The following AKAP7 variants were observed in gnomAD, a reference collection of about 807,000 sequenced individuals.
AKAP7 encodes A-kinase anchoring protein 7.
Under a neutral mutation model 39.5 loss-of-function variants are expected in AKAP7, and 39 were observed. The ratio of observed to expected loss-of-function variants is 0.99; its 90% CI spans 0.76 to 1.29. The LOEUF is 1.29. Ranked by LOEUF, AKAP7 falls within the 50% of genes most tolerant of loss-of-function variation. AKAP7 has a pLI of 0.00. For synonymous variants in AKAP7, 140 were observed against 139.1 expected, an observed-to-expected ratio of 1.01 and a Z score of -0.05; for missense variants, 414 against 407.7, an observed-to-expected ratio of 1.02 and a Z score of -0.13.
intron 7 of AKAP7, among the ~76,000 whole-genome samples, chr6:131,237,885 G>C (rs977669906): frequency 6.6e-6 from 1 of 151,910 alleles, no homozygotes; most frequent in African/African-American, 2.4e-5. Context: ...TTTTTGAAGG[G>C]TTTTTGTGTC....
chr6:131,176,346 G>A (rs1804579690), intron 5 of AKAP7, among the ~76,000 whole-genome samples: 1 of 151,814 alleles, frequency 6.6e-6, no homozygotes, highest in Non-Finnish European at 1.5e-5. Context: ...GTAGCTGATA[G>A]AATTAAGAAG....
chr6:131,218,398 C>T (rs539221098), intron 6 of AKAP7, among the ~76,000 whole-genome samples: 30 of 152,144 alleles, frequency 2.0e-4, no homozygotes, highest in Admixed American at 5.9e-4. Context: ...TCAAATAGTA[C>T]TCAGGGAACA....
chr6:131,281,518 T>C lies in AKAP7; in HGVS notation c.851-12T>C. On this transcript the variant is annotated splice_polypyrimidine_tract_variant and intron_variant, in intron 7 of 7. Coordinates refer to ENST00000431975, the MANE Select transcript of AKAP7 (RefSeq NM_016377.4). The surrounding 1 kb of genome is among the most constrained non-coding windows in gnomAD (Gnocchi z 4.0). ...GATCTCAGTGACCTCTCTTCTCTAT[T>C]GTGGAATGTAGGTGAAAAGAACGGA... 6.3e-7 allele frequency: 1 copy of C among 1,593,736 alleles called. No individual in the cohort carries two copies. Among genetic ancestry groups the C allele is most frequent in the Non-Finnish European group, 8.5e-7 (1 of 1,169,842 alleles).
At chr6:131,167,321 A>G (rs1163991342) in intron 4 of AKAP7, among the ~76,000 whole-genome samples, 2 of 152,190 alleles carry the variant, frequency 1.3e-5, no homozygotes, top group Non-Finnish European at 2.9e-5. Flanking sequence ...ATACTACTAG[A>G]GAACTGGAAA....
chr6:131,172,794 G>A (rs1283060139), intron 5 of AKAP7, among the ~76,000 whole-genome samples: 1 of 152,036 alleles, frequency 6.6e-6, no homozygotes, highest in Non-Finnish European at 1.5e-5. Context: ...AATTCTTTTG[G>A]CATTATTTGA....
At chr6:131,166,418 G>A (rs774873568) in intron 4 of AKAP7, among the ~76,000 whole-genome samples, 7 of 152,206 alleles carry the variant, frequency 4.6e-5, no homozygotes, top group Non-Finnish European at 5.9e-5. Flanking sequence ...CAATAGGAGC[G>A]TATCTATGTA....
intron 2 of AKAP7, among the ~76,000 whole-genome samples, chr6:131,148,766 G>A (rs879465644): frequency 9.9e-5 from 15 of 152,046 alleles, no homozygotes; most frequent in Admixed American, 5.9e-4. Context: ...CCCTTAAACC[G>A]TAAGAAAGGT....
intron 7 of AKAP7, among the ~76,000 whole-genome samples, chr6:131,236,257 G>T (rs1416020847): frequency 6.6e-6 from 1 of 152,072 alleles, no homozygotes. Context: ...CTGTTCCATT[G>T]GTCTATATCT....
chr6:131,171,575 G>A lies in AKAP7; in HGVS notation c.589+2302G>A, dbSNP rs1804051454. Among the ~76,000 whole-genome samples, 5 of 152,036 alleles carry A rather than the reference G, an allele frequency of 3.3e-5. No individual in the cohort carries two copies. The South Asian group carries it at 1.0e-3, about 32-fold the overall frequency. On this transcript the variant is annotated intron_variant, in intron 5 of 7. Coordinates refer to ENST00000431975, the MANE Select transcript of AKAP7 (RefSeq NM_016377.4). ...AAGGTAAAATAAGGGCATGAGGAGAGCGGTGAAAGTTTAGAATGGCGACCA... is the reference window on the plus strand; with the variant it reads ...AAGGTAAAATAAGGGCATGAGGAGAACGGTGAAAGTTTAGAATGGCGACCA...
At chr6:131,181,792 ATTC>A (rs1805275608) in intron 5 of AKAP7, among the ~76,000 whole-genome samples, 1 of 152,078 alleles carries the variant, frequency 6.6e-6, no homozygotes, top group Non-Finnish European at 1.5e-5. Flanking sequence ...AAACTTTTAC[ATTC>A]TTCACATGAT....
intron 6 of AKAP7, among the ~76,000 whole-genome samples, chr6:131,207,968 C>G (rs1808290254): frequency 1.3e-5 from 2 of 152,174 alleles, no homozygotes; most frequent in Non-Finnish European, 2.9e-5. Context: ...CTCCCGGTGT[C>G]AGATGGCTTA....
chr6:131,205,697 T>C (rs1047788410), intron 6 of AKAP7, among the ~76,000 whole-genome samples: 2 of 152,332 alleles, frequency 1.3e-5, no homozygotes, highest in African/African-American at 4.8e-5. Flanking sequence ...TTGGCAATTA[T>C]GTATCTTTCT....
chr6:131,273,938 T>C (rs1228987904), intron 7 of AKAP7, among the ~76,000 whole-genome samples: 1 of 151,116 alleles, frequency 6.6e-6, no homozygotes, highest in Non-Finnish European at 1.5e-5. Context: ...GTGTTGCCTT[T>C]TCTTTTTTTT....
chr6:131,252,884 A>T (rs143475802), intron 7 of AKAP7, among the ~76,000 whole-genome samples: 35 of 152,326 alleles, frequency 2.3e-4, no homozygotes, highest in Admixed American at 3.9e-4. Flanking sequence ...ATCTACTAAA[A>T]GCAGAGCACA....
At chr6:131,267,205 G>A (rs1343731548) in intron 7 of AKAP7, among the ~76,000 whole-genome samples, 2 of 152,036 alleles carry the variant, frequency 1.3e-5, no homozygotes, top group East Asian at 3.9e-4. Context: ...GATGCTCTTG[G>A]TCACTTTGTA....
chr6:131,245,074 T>TAACC (rs1471000678), intron 7 of AKAP7, among the ~76,000 whole-genome samples: 6 of 152,088 alleles, frequency 3.9e-5, no homozygotes, highest in Admixed American at 1.3e-4. Context: ...GAACAGGACT[T>TAACC]AACCAGTGAG....
chr6:131,234,769 G>A (rs1810902746), intron 7 of AKAP7, among the ~76,000 whole-genome samples: 1 of 148,804 alleles, frequency 6.7e-6, no homozygotes, highest in Admixed American at 6.7e-5. Flanking sequence ...GATACAACTA[G>A]TAATTTATTA....
intron 2 of AKAP7, among the ~76,000 whole-genome samples, chr6:131,148,407 G>C (rs1206781497): frequency 6.6e-6 from 1 of 151,956 alleles, no homozygotes; most frequent in Non-Finnish European, 1.5e-5. Context: ...GAAAACTTGT[G>C]TTTTACGTTT....
At chr6:131,130,871 T>C (rs1800311370), upstream of AKAP7, among the ~76,000 whole-genome samples, 1 of 152,198 alleles carries the variant, frequency 6.6e-6, no homozygotes, top group South Asian at 2.1e-4. Context: ...GGTAGGTTCA[T>C]TTAGCTATTA....
Sources: gnomAD v4.1 joint callset for allele counts (sites outside exome capture counted in the v4.1 genomes callset) on GRCh38, gnomAD v4.1.1 for gene constraint, Gnocchi (gnomAD v3.1) non-coding constraint, MANE v1.5 for transcripts, NCBI Gene and HGNC (gene_info 2026-07-23, HGNC 2026-07-21) for gene names.